The following GRIP2 variants were observed in gnomAD, a reference collection of about 807,000 sequenced individuals.
GRIP2 encodes glutamate receptor-interacting protein 2.
GRIP2 carries 58 observed loss-of-function variants against 108.3 expected under a neutral mutation model. The ratio of observed to expected loss-of-function variants is 0.54; its 90% confidence interval spans 0.43 to 0.67. The LOEUF (loss-of-function observed/expected upper bound fraction) is 0.67, where lower values mean the gene tolerates loss of function less well. Ranked by LOEUF, GRIP2 falls within the 30% of genes least tolerant of loss-of-function variation. The pLI, the probability that GRIP2 is intolerant of heterozygous loss-of-function variation, is 0.00. For missense variants in GRIP2, 1,278 were observed against 1,430.6 expected, an observed-to-expected ratio of 0.89 and a Z score of 1.72; for synonymous variants, 586 against 598.2, an observed-to-expected ratio of 0.98 and a Z score of 0.30.
the GRIP2 span, among the ~76,000 whole-genome samples, chr3:14,580,309 C>T: frequency 1.3e-5 from 2 of 152,210 alleles, no homozygotes; most frequent in African/African-American, 2.4e-5. Flanking sequence ...TTCTTCCAGC[C>T]TCAGGTAGGA....
intron 1 of GRIP2, among the ~76,000 whole-genome samples, chr3:14,528,158 C>G (rs1694613946): frequency 6.6e-6 from 1 of 152,210 alleles, no homozygotes; most frequent in South Asian, 2.1e-4. Flanking sequence ...TAGAATCACT[C>G]AGTATGTACG....
At chr3:14,503,535 C>T (rs1393735723) in intron 21 of GRIP2, 31 bp downstream of exon 21, 2 of 1,531,352 alleles carry the variant, frequency 1.3e-6, no homozygotes, top group Admixed American at 1.8e-5. Context: ...CCCGGGTGCC[C>T]CATGCAGGCC....
intron 9 of GRIP2, among the ~76,000 whole-genome samples, chr3:14,518,405 A>T (rs1450440593): frequency 6.6e-6 from 1 of 152,178 alleles, no homozygotes; most frequent in Non-Finnish European, 1.5e-5. Flanking sequence ...CCTTTGCTCC[A>T]GGGCTTCCTG....
At chr3:14,572,025 T>C in the GRIP2 span, among the ~76,000 whole-genome samples, 3 of 152,128 alleles carry the variant, frequency 2.0e-5, no homozygotes, top group Non-Finnish European at 4.4e-5. Context: ...AAGATACGTA[T>C]ATTCTAAAAT....
chr3:14,501,228 C>T (rs190728742), intron 21 of GRIP2, among the ~76,000 whole-genome samples: 1 of 152,240 alleles, frequency 6.6e-6, no homozygotes, highest in Admixed American at 6.5e-5. Context: ...TTGGAAGGTA[C>T]AAGTTTTCAT....
Position 14,517,853 on chromosome 3 carries a change from C to T in GRIP2, c.1075G>A (p.Val359Met), listed in dbSNP as rs532400436. Residue 359 changes from valine to methionine, a missense_variant, in exon 10 of 24, where the codon GTG (valine) becomes ATG (methionine). Coordinates refer to ENST00000621039, the MANE Select transcript of GRIP2 (RefSeq NM_001080423.4). The part of the protein sequence containing the change: ...SEQLHRWDPC[V>M]PSCHSPRPGH... The stretch of plus-strand genomic sequence containing the variant: ...GGCCGGGGGCTGTGGCAGGAGGGCA[C>T]GCAGGGGTCCCAGCGGTGCAGCTGC... 18 of 1,599,782 alleles carry T rather than the reference C, an allele frequency of 1.1e-5. No homozygotes were observed. The highest frequency in any genetic ancestry group is 2.3e-5 in the South Asian group (2 of 88,480).
the GRIP2 span, among the ~76,000 whole-genome samples, chr3:14,578,864 C>G: frequency 5.6e-5 from 8 of 142,652 alleles, no homozygotes. Context: ...TTTTTTCTCT[C>G]TCTCTCTGGC....
intron 1 of GRIP2, among the ~76,000 whole-genome samples, chr3:14,527,368 G>A (rs898463802): frequency 1.8e-5 from 2 of 113,016 alleles, no homozygotes; most frequent in Non-Finnish European, 4.0e-5. Flanking sequence ...CTAATTACTT[G>A]AAAGGAAAGG....
chr3:14,573,878 G>T, the GRIP2 span: 10 of 1,274,116 alleles, frequency 7.8e-6, no homozygotes, highest in African/African-American at 1.5e-4. Flanking sequence ...CCTCCTCCGA[G>T]GTCTGCAGGC....
the GRIP2 span, among the ~76,000 whole-genome samples, chr3:14,594,859 G>C: frequency 6.6e-6 from 1 of 152,150 alleles, no homozygotes; most frequent in African/African-American, 2.4e-5. Context: ...AACATATAAA[G>C]CGCTTAGCCT....
Position 14,512,749 on chromosome 3 carries a change from G to C in GRIP2, c.1720+28C>G. 1.2e-6 allele frequency: 2 copies of C among 1,604,642 alleles called. No individual in the cohort carries two copies. Among genetic ancestry groups the C allele is most frequent in the Non-Finnish European group, 1.7e-6 (2 of 1,172,494 alleles). ...CCCCAGCAGTTGAGCTCGCTCCCAG[G>C]GGCAAACAGCAGCGGGAGGAGACTC... On this transcript the variant is annotated intron_variant, in intron 14 of 23. Coordinates refer to ENST00000621039, the MANE Select transcript of GRIP2 (RefSeq NM_001080423.4). The surrounding 1 kb of genome is among the most constrained non-coding windows in gnomAD (Gnocchi z 5.1).
the GRIP2 span, among the ~76,000 whole-genome samples, chr3:14,594,804 G>C: frequency 1.3e-5 from 2 of 152,256 alleles, no homozygotes; most frequent in African/African-American, 4.8e-5. Context: ...GTGAGATTAA[G>C]TATAGTACCT....
chr3:14,538,263 G>A (rs1417327632), intron 1 of GRIP2, among the ~76,000 whole-genome samples: 1 of 152,192 alleles, frequency 6.6e-6, no homozygotes, highest in Non-Finnish European at 1.5e-5. Flanking sequence ...CAGCAACAGG[G>A]GAGGTCACAT....
the GRIP2 span, chr3:14,573,290 G>C: frequency 7.0e-7 from 1 of 1,421,462 alleles, no homozygotes; most frequent in African/African-American, 1.4e-5. Flanking sequence ...ACAGCAGGAA[G>C]ATGGCACTGG....
chr3:14,517,258 TCCACCCCACCA>T, intron 10 of GRIP2, 45 bp from the exon 11 acceptor site: 1 of 1,489,400 alleles, frequency 6.7e-7, no homozygotes, highest in Non-Finnish European at 8.9e-7. Context: ...GCCGAGGCTC[TCCACCCCACCA>T]CACAGTGGGT....
upstream of GRIP2, among the ~76,000 whole-genome samples, chr3:14,560,265 C>T (rs1268380389): frequency 6.6e-6 from 1 of 152,094 alleles, no homozygotes; most frequent in Non-Finnish European, 1.5e-5. Flanking sequence ...AAAAACCCAG[C>T]AACAACAAAA....
Position 14,521,713 on chromosome 3 carries a change from G to C in GRIP2, c.641C>G (p.Thr214Ser), listed in dbSNP as rs1694414843. The stretch of plus-strand genomic sequence containing the variant: ...GCACTGCCGCAGGGTGGCCAGGGCG[G>C]TGGCATGGCTGGCCCCGTGCAGCGG... The part of the protein sequence containing the change: ...GIPLHGASHA[T>S]ALATLRQCSH... The change falls in exon 7 of 24, where the codon ACC (threonine) becomes AGC (serine). Residue 214 changes from threonine to serine, a missense_variant. Coordinates refer to ENST00000621039, the MANE Select transcript of GRIP2 (RefSeq NM_001080423.4). The surrounding 1 kb of genome is among the most constrained non-coding windows in gnomAD (Gnocchi z 5.1). The C allele has an allele frequency of 6.2e-7, 1 of 1,611,196 alleles. No homozygotes were observed. Among genetic ancestry groups the C allele is most frequent in the African/African-American group, 1.3e-5 (1 of 74,900 alleles).
the GRIP2 span, chr3:14,573,790 G>C: frequency 6.5e-7 from 1 of 1,548,550 alleles, no homozygotes; most frequent in Non-Finnish European, 8.9e-7. Context: ...GAGCCAAACT[G>C]TCTCTTGTGG....
At chr3:14,578,092 T>G in the GRIP2 span, among the ~76,000 whole-genome samples, 1 of 152,198 alleles carries the variant, frequency 6.6e-6, no homozygotes, top group Non-Finnish European at 1.5e-5. Context: ...CTTCCTGCCA[T>G]CTCCACTGTG....
Sources: allele counts gnomAD v4.1 joint callset (sites outside exome capture counted in the v4.1 genomes callset), GRCh38; gene constraint gnomAD v4.1.1; non-coding constraint Gnocchi (gnomAD v3.1); transcripts MANE v1.5; gene names NCBI Gene and HGNC (gene_info 2026-07-23, HGNC 2026-07-21).